NFATC2: variants seen among roughly 807,000 people sequenced by gnomAD.
NFATC2 encodes the protein nuclear factor of activated T-cells, cytoplasmic 2.
Under a neutral mutation model 87.3 loss-of-function variants are expected in NFATC2, and 22 were observed. The observed-to-expected ratio is 0.25, with a 90% CI of 0.18 to 0.36. The LOEUF (loss-of-function observed/expected upper bound fraction) is 0.36, where lower values mean the gene tolerates loss of function less well. Ranked by LOEUF, NFATC2 falls within the 10% of genes least tolerant of loss-of-function variation. The probability of loss-of-function intolerance (pLI) is 1.00; values close to 1 mark genes in which losing one functional copy is unlikely to be tolerated. For missense variants in NFATC2, 1,149 were observed against 1,259.1 expected (o/e 0.91, Z 1.32); for synonymous variants, 565 against 542.2 (o/e 1.04, Z -0.58).
intron 9 of NFATC2, among the ~76,000 whole-genome samples, chr20:51,423,025 C>T (rs147445306): frequency 3.0e-4 from 46 of 151,434 alleles, no homozygotes; most frequent in African/African-American, 1.0e-3. Flanking sequence ...CAGTGGCTCA[C>T]GCTTATAATC....
At chr20:51,542,319 CCTGA>C in intron 1 of NFATC2, 47 bp downstream of exon 1, 1 of 1,577,710 alleles carries the variant, frequency 6.3e-7, no homozygotes. Flanking sequence ...AGTCCCCAGG[CCTGA>C]GCCCCTGGCG....
At chr20:51,509,952 A>G (rs1299535600) in intron 3 of NFATC2, among the ~76,000 whole-genome samples, 1 of 152,230 alleles carries the variant, frequency 6.6e-6, no homozygotes, top group East Asian at 1.9e-4. Flanking sequence ...GTTACCGGGA[A>G]TGAAATGGCC....
At chr20:51,482,156 C>G (rs144909493) in intron 3 of NFATC2, among the ~76,000 whole-genome samples, 1 of 151,222 alleles carries the variant, frequency 6.6e-6, no homozygotes, top group East Asian at 2.0e-4. Flanking sequence ...CATTTTAAGA[C>G]AGGCAAATCC....
chr20:51,506,935 T>C (rs571072577), intron 3 of NFATC2, among the ~76,000 whole-genome samples: 1 of 151,976 alleles, frequency 6.6e-6, no homozygotes, highest in Non-Finnish European at 1.5e-5. Flanking sequence ...TGCCTGACCC[T>C]AGGTCCAGGA....
chr20:51,510,976 G>A (rs2076263412), intron 3 of NFATC2, among the ~76,000 whole-genome samples: 1 of 152,108 alleles, frequency 6.6e-6, no homozygotes, highest in East Asian at 1.9e-4. Flanking sequence ...TTTGCCATGA[G>A]CCAAATTCAA....
chr20:51,407,254 G>T (rs548647914), intron 9 of NFATC2, among the ~76,000 whole-genome samples: 1 of 152,044 alleles, frequency 6.6e-6, no homozygotes, highest in African/African-American at 2.4e-5. Flanking sequence ...GCAGGCCTCC[G>T]TGCCACCCCA....
chr20:51,517,663 T>C (rs2076375130), intron 2 of NFATC2, among the ~76,000 whole-genome samples: 2 of 151,456 alleles, frequency 1.3e-5, no homozygotes, highest in Non-Finnish European at 2.9e-5. Flanking sequence ...ATGCCTGTAA[T>C]CCCAACACTA....
intron 1 of NFATC2, among the ~76,000 whole-genome samples, chr20:51,541,418 T>C (rs1297973206): frequency 6.6e-6 from 1 of 152,178 alleles, no homozygotes; most frequent in Non-Finnish European, 1.5e-5. Flanking sequence ...AAATACACAG[T>C]GAGGTTGGGC....
rs201934996 is a variant in NFATC2, at chr20:51,475,583, C to A, written c.1410G>T (p.Pro470=). The A allele has an allele frequency of 5.0e-6, 8 of 1,613,974 alleles. No individual in the cohort carries two copies. In the East Asian group the frequency reaches 1.1e-4, roughly 22 times the overall value. The part of the protein sequence containing the change: ...IGTADERILK[P]HAFYQVHRIT... ...TTCGGTGCACCTGGTAGAAGGCGTG[C>A]GGCTTAAGGATCCGCTCATCAGCTG... Residue 470 remains proline (P), a synonymous_variant, in exon 4 of 11, where the codon CCG becomes CCT. Transcript: ENST00000371564.
chr20:51,487,353 A>G (rs1989798514), intron 3 of NFATC2, among the ~76,000 whole-genome samples: 1 of 152,208 alleles, frequency 6.6e-6, no homozygotes, highest in African/African-American at 2.4e-5. Flanking sequence ...CAGGGCAGAG[A>G]GACTATCTGG....
At chr20:51,494,141 G>C (rs922526532) in intron 3 of NFATC2, among the ~76,000 whole-genome samples, 1 of 151,904 alleles carries the variant, frequency 6.6e-6, no homozygotes, top group African/African-American at 2.4e-5. Context: ...CCGTTACTTT[G>C]CTTGGTTATG....
Position 51,474,036 on chromosome 20 carries a change from G to A in NFATC2, c.1652C>T (p.Pro551Leu), listed in dbSNP as rs139647884. The part of the protein sequence containing the change: ...RVRLVFRVHI[P>L]ESSGRIVSLQ... Reference sequence around the variant, plus strand: ...AGAGACGATTCTGCCACTGGACTCTGGGATGTGAACTCGGAAAACCAGTCT... The same window carrying A: ...AGAGACGATTCTGCCACTGGACTCTAGGATGTGAACTCGGAAAACCAGTCT... The change falls in exon 5 of 11, where the codon CCA becomes CTA. Residue 551 changes from proline to leucine, a missense_variant. Coordinates refer to ENST00000371564, the MANE Select transcript of NFATC2 (RefSeq NM_012340.5). 1.9e-6 allele frequency: 3 copies of A among 1,614,246 alleles called. No homozygotes were observed. The highest frequency in any genetic ancestry group is 2.5e-6 in the Non-Finnish European group (3 of 1,180,050).
At chr20:51,418,714 G>A (rs1404464833) in intron 9 of NFATC2, among the ~76,000 whole-genome samples, 3 of 147,944 alleles carry the variant, frequency 2.0e-5, no homozygotes, top group Non-Finnish European at 3.0e-5. Context: ...CCAGGCTGGA[G>A]TGCAGTGGTA....
chr20:51,482,325 CA>C (rs5841847), intron 3 of NFATC2, among the ~76,000 whole-genome samples: 27,305 of 151,134 alleles, frequency 0.18, 2,516 homozygotes, highest in East Asian at 0.24. Context: ...TGTCCTGATA[CA>C]AAGATAAAAA....
At chr20:51,506,229 G>A (rs944996201) in intron 3 of NFATC2, among the ~76,000 whole-genome samples, 30 of 152,354 alleles carry the variant, frequency 2.0e-4, no homozygotes, top group Admixed American at 7.8e-4. Context: ...TGAGGTGCTC[G>A]TTGGGGAAGG....
intron 9 of NFATC2, among the ~76,000 whole-genome samples, chr20:51,401,627 C>G (rs1170402151): frequency 6.6e-6 from 1 of 152,120 alleles, no homozygotes; most frequent in Non-Finnish European, 1.5e-5. Context: ...ATCTACAAAT[C>G]CTCCCAAAGA....
chr20:51,485,322 G>A (rs1393666733), intron 3 of NFATC2, among the ~76,000 whole-genome samples: 1 of 152,152 alleles, frequency 6.6e-6, no homozygotes. Context: ...GGGGCTGGAG[G>A]CATGAACCTT....
intron 1 of NFATC2, among the ~76,000 whole-genome samples, chr20:51,540,821 G>T (rs945295326): frequency 1.3e-5 from 2 of 151,742 alleles, no homozygotes; most frequent in Non-Finnish European, 2.9e-5. Context: ...CACCCCACCC[G>T]ACAAGGAAAA....
intron 5 of NFATC2, among the ~76,000 whole-genome samples, chr20:51,469,257 T>C (rs527515604): frequency 6.6e-6 from 1 of 152,260 alleles, no homozygotes; most frequent in South Asian, 2.1e-4. Context: ...GCTCAAGCGA[T>C]CGTCCGGCCT....
Sources: allele counts gnomAD v4.1 joint callset (sites outside exome capture counted in the v4.1 genomes callset), GRCh38; gene constraint gnomAD v4.1.1; transcripts MANE v1.5; gene names NCBI Gene and HGNC (gene_info 2026-07-23, HGNC 2026-07-21).